ARFGEF3: variants seen among roughly 807,000 people sequenced by gnomAD.
ARFGEF3 encodes brefeldin A-inhibited guanine nucleotide-exchange protein 3.
A neutral mutation model predicts 221.7 loss-of-function variants in ARFGEF3; 96 were observed. The ratio of observed to expected loss-of-function variants is 0.43; its 90% confidence interval spans 0.37 to 0.51. ARFGEF3 has a LOEUF of 0.51. ARFGEF3 is among the 20% of genes least tolerant of loss of function. The pLI, the probability that ARFGEF3 is intolerant of heterozygous loss-of-function variation, is 0.00. For synonymous variants in ARFGEF3, 1,145 were observed against 1,126.8 expected (o/e 1.02, Z -0.32); for missense variants, 2,410 against 2,789.9 (o/e 0.86, Z 3.07).
chr6:138,310,217 A>G (rs998529843), intron 24 of ARFGEF3, among the ~76,000 whole-genome samples: 1 of 152,208 alleles, frequency 6.6e-6, no homozygotes, highest in Non-Finnish European at 1.5e-5. Context: ...CACAGTCTAA[A>G]TTTTGGGACG....
At chr6:138,335,321 C>A (rs1459568961) in intron 33 of ARFGEF3, 133 bp downstream of exon 33, 4 of 894,122 alleles carry the variant, frequency 4.5e-6, no homozygotes, top group African/African-American at 3.4e-5. Flanking sequence ...GATTTCCCTC[C>A]AAAGTCAGAG....
intron 5 of ARFGEF3, among the ~76,000 whole-genome samples, chr6:138,237,591 G>C (rs1778311300): frequency 6.6e-6 from 1 of 152,160 alleles, no homozygotes; most frequent in African/African-American, 2.4e-5. Flanking sequence ...ATGGAGACTG[G>C]TAAGACCCAA....
rs1179319360 is a variant in ARFGEF3, at chr6:138,292,181, C to G, written c.3368+128C>G. The G allele has an allele frequency of 4.3e-5, 35 of 811,708 alleles. No homozygotes were observed. The East Asian group carries it at 1.2e-3, about 27-fold the overall frequency. The allele number at this position is 811,708 out of a possible 1,614,324, so 50.3% of individuals were successfully genotyped here. A position where few individuals can be genotyped will look rare whatever the true frequency, so the allele number is the denominator to read the frequency against. On this transcript the variant is annotated intron_variant, in intron 19 of 33. Coordinates refer to ENST00000251691, the MANE Select transcript of ARFGEF3 (RefSeq NM_020340.5). ...TCACTTAAATCTCTTCCATCTTTTT[C>G]AAGCTTAGTTCTCTCTACCATTACA...
intron 19 of ARFGEF3, among the ~76,000 whole-genome samples, chr6:138,293,384 C>T (rs1038865637): frequency 6.6e-6 from 1 of 152,212 alleles, no homozygotes; most frequent in African/African-American, 2.4e-5. Context: ...CTGGCAAGGT[C>T]TGTGCCCAGC....
chr6:138,288,525 T>TA (rs1348933059), intron 17 of ARFGEF3, among the ~76,000 whole-genome samples: 1 of 151,762 alleles, frequency 6.6e-6, no homozygotes, highest in South Asian at 2.1e-4. Context: ...CCGTCTCTAC[T>TA]AAAAAATACA....
intron 26 of ARFGEF3, among the ~76,000 whole-genome samples, chr6:138,314,440 C>T (rs765068993): frequency 6.6e-6 from 1 of 152,158 alleles, no homozygotes; most frequent in Non-Finnish European, 1.5e-5. Context: ...CTCTGGCCCC[C>T]AAAATTGAGG....
At chr6:138,280,745 G>A (rs1779182252) in intron 14 of ARFGEF3, among the ~76,000 whole-genome samples, 1 of 152,174 alleles carries the variant, frequency 6.6e-6, no homozygotes, top group Admixed American at 6.5e-5. Context: ...CAGCTACTTG[G>A]GAGGCTAAGG....
At chr6:138,263,751 G>T in intron 12 of ARFGEF3, 140 bp downstream of exon 12, 1 of 804,262 alleles carries the variant, frequency 1.2e-6, no homozygotes, top group East Asian at 2.6e-5. Flanking sequence ...TTTAAAGAGG[G>T]CGAAGAAATC....
rs180749551 is a variant in ARFGEF3, at chr6:138,343,734, G to A, written c.*7248G>A. 3.3e-5 allele frequency: 5 copies of A among 152,204 alleles called. No individual in the cohort carries two copies. Among genetic ancestry groups the A allele is most frequent in the Middle Eastern group, 3.4e-3 (1 of 296 alleles). 9.4% of individuals were successfully genotyped at this position (152,204 alleles called of 1,614,324 possible). The stretch of plus-strand genomic sequence containing the variant: ...CCCAGTGAGCATCCCTGGCTACCTC[G>A]GGATTATGTGCAAGCTGCTTTGTCC... On this transcript the variant is annotated 3_prime_UTR_variant, in exon 34 of 34. Transcript: ENST00000251691.
rs747099029 is a variant in ARFGEF3, at chr6:138,194,989, A to ATTTTTTTT, written c.138-12029_138-12022dup. On this transcript the variant is annotated intron_variant, in intron 2 of 33. Coordinates refer to ENST00000251691, the MANE Select transcript of ARFGEF3 (RefSeq NM_020340.5). ...TCAAACTAACTTCACCTTTTCCCTA[A>ATTTTTTTT]TTTTTTTTTTTTTTTTTTTTTTTTT... Among the ~76,000 whole-genome samples, 178 of 84,122 alleles carry ATTTTTTTT rather than the reference A, an allele frequency of 2.1e-3. 15 individuals carry two copies. The highest frequency in any genetic ancestry group is 9.4e-3 in the African/African-American group (164 of 17,400). The allele number at this position is 84,122 out of a possible 152,430, so 55.2% of individuals were successfully genotyped here.
intron 2 of ARFGEF3, among the ~76,000 whole-genome samples, chr6:138,203,192 G>T (rs1404218032): frequency 6.6e-6 from 1 of 152,094 alleles, no homozygotes; most frequent in Non-Finnish European, 1.5e-5. Context: ...GAACTAAAAT[G>T]GGTTAAGAAG....
chr6:138,238,360 A>G (rs1281986427), intron 5 of ARFGEF3, 149 bp from the exon 6 acceptor site: 15 of 622,906 alleles, frequency 2.4e-5, no homozygotes, highest in Non-Finnish European at 3.7e-5. Flanking sequence ...TTTAAAATAT[A>G]TTTAGTTATA....
chr6:138,235,840 T>C (rs1284295425), intron 5 of ARFGEF3, among the ~76,000 whole-genome samples: 3 of 152,206 alleles, frequency 2.0e-5, no homozygotes, highest in Non-Finnish European at 2.9e-5. Context: ...TTTTGTCATA[T>C]TCAGTCTTTA....
rs767431135 is a variant in ARFGEF3 at position 138,307,244 on chromosome 6, C to G, written c.3829-9C>G. On this transcript the variant is annotated splice_polypyrimidine_tract_variant and intron_variant, in intron 22 of 33. Coordinates refer to ENST00000251691, the MANE Select transcript of ARFGEF3 (RefSeq NM_020340.5). ...GGGCTTTAAGTGCCACTTGCTTTGC[C>G]TCTACCAGGTTGTCACATCCATTGG... 6.2e-7 allele frequency: 1 copy of G among 1,612,368 alleles called. No individual in the cohort carries two copies. Among genetic ancestry groups the G allele is most frequent in the Non-Finnish European group, 8.5e-7 (1 of 1,178,790 alleles).
rs942164498 is a variant in ARFGEF3 at position 138,192,411 on chromosome 6, C to T, written c.138-14631C>T. 2.6e-5 allele frequency among the ~76,000 whole-genome samples: 4 copies of T among 152,226 alleles called. No individual in the cohort carries two copies. In the Middle Eastern group the frequency reaches 0.01, roughly 388 times the overall value. ...CTGAGGCAGGAGAATAGCTTGAACCCGGGAGGTGGAGGTTGCAGTGAGCCA... is the reference window on the plus strand; with the variant it reads ...CTGAGGCAGGAGAATAGCTTGAACCTGGGAGGTGGAGGTTGCAGTGAGCCA... On this transcript the variant is annotated intron_variant, in intron 2 of 33. Coordinates refer to ENST00000251691, the MANE Select transcript of ARFGEF3 (RefSeq NM_020340.5).
intron 14 of ARFGEF3, 87 bp downstream of exon 14, chr6:138,280,251 T>C (rs1583046772): frequency 2.9e-6 from 4 of 1,360,932 alleles, no homozygotes. Flanking sequence ...GTGTTGGTGC[T>C]TGGAGCAGAC....
chr6:138,186,397 T>C (rs1457584114), intron 2 of ARFGEF3, among the ~76,000 whole-genome samples: 1 of 152,216 alleles, frequency 6.6e-6, no homozygotes, highest in African/African-American at 2.4e-5. Flanking sequence ...CCATTATATG[T>C]GACTCTTCAT....
At chr6:138,290,853 G>T (rs1020795844) in intron 18 of ARFGEF3, among the ~76,000 whole-genome samples, 1 of 152,204 alleles carries the variant, frequency 6.6e-6, no homozygotes, top group Non-Finnish European at 1.5e-5. Flanking sequence ...AGCAAATATA[G>T]CCATGAGTGT....
At position 138,336,777 on chromosome 6, in the gene ARFGEF3, C is replaced by T. The variant is rs1242829366; in HGVS notation, c.*291C>T. 9.2e-6 allele frequency: 2 copies of T among 216,312 alleles called. No homozygotes were observed. 13.4% of individuals were successfully genotyped at this position (216,312 alleles called of 1,614,324 possible). A position where few individuals can be genotyped will look rare whatever the true frequency, so the allele number is the denominator to read the frequency against. ...TGAAGTATATTTCCCAGTGCTTTTGCTTACAGTGTTGTCCCCAAATGGGTC... is the reference window on the plus strand; with the variant it reads ...TGAAGTATATTTCCCAGTGCTTTTGTTTACAGTGTTGTCCCCAAATGGGTC... On this transcript the variant is annotated 3_prime_UTR_variant, in exon 34 of 34. Coordinates refer to ENST00000251691, the MANE Select transcript of ARFGEF3 (RefSeq NM_020340.5).
Sources: allele counts gnomAD v4.1 joint callset (sites outside exome capture counted in the v4.1 genomes callset), GRCh38; gene constraint gnomAD v4.1.1; transcripts MANE v1.5; gene names NCBI Gene and HGNC (gene_info 2026-07-23, HGNC 2026-07-21).